FRMPD3: variants seen among roughly 807,000 people sequenced by gnomAD.
The protein encoded by FRMPD3 is FERM and PDZ domain-containing protein 3.
Under a neutral mutation model 97.9 loss-of-function variants are expected in FRMPD3, and 42 were observed. The ratio of observed to expected loss-of-function variants is 0.43; its 90% CI spans 0.34 to 0.55. FRMPD3 has a LOEUF of 0.55. FRMPD3 is among the 20% of genes least tolerant of loss of function. FRMPD3 has a pLI of 0.03. For missense variants in FRMPD3, 1,303 were observed against 1,457.7 expected (o/e 0.89, Z 1.73); for synonymous variants, 577 against 581.1 (o/e 0.99, Z 0.10).
intron 12 of FRMPD3, among the ~76,000 whole-genome samples, chrX:107,572,899 C>CTAA (rs1922949688): frequency 1.9e-5 from 2 of 102,913 alleles, no homozygotes; most frequent in Non-Finnish European, 3.9e-5. Flanking sequence ...ACTACTACTA[C>CTAA]TACTACTACT....
At chrX:107,498,278 A>C (rs139838738) in intron 1 of FRMPD3, among the ~76,000 whole-genome samples, 1,428 of 112,319 alleles carry the variant, frequency 0.013, 11 homozygotes, top group Non-Finnish European at 0.017. Flanking sequence ...GCCATGACAT[A>C]GGAGATGGTG....
At chrX:107,525,129 G>T (rs1023226543) in intron 1 of FRMPD3, among the ~76,000 whole-genome samples, 2 of 110,351 alleles carry the variant, frequency 1.8e-5, no homozygotes, top group African/African-American at 6.6e-5. Context: ...AAAGGGCTCT[G>T]CCTGGAACCA....
intron 1 of FRMPD3, among the ~76,000 whole-genome samples, chrX:107,509,089 C>G (rs986828773): frequency 1.8e-5 from 2 of 111,985 alleles, no homozygotes; most frequent in African/African-American, 3.3e-5. Context: ...CCGCTCCCCC[C>G]AGCTTGGCCT....
intron 13 of FRMPD3, among the ~76,000 whole-genome samples, chrX:107,580,729 G>A (rs1923345426): frequency 9.0e-6 from 1 of 111,580 alleles, no homozygotes; most frequent in Non-Finnish European, 1.9e-5. Flanking sequence ...CTCCTCCGGA[G>A]CACTTATTCC....
chrX:107,502,677 G>A (rs1244117107), intron 1 of FRMPD3, among the ~76,000 whole-genome samples: 1 of 111,998 alleles, frequency 8.9e-6, no homozygotes, highest in African/African-American at 3.2e-5. Context: ...AACAACGAAA[G>A]GATCCCCACC....
chrX:107,546,007 C>A (rs937521941), intron 5 of FRMPD3, among the ~76,000 whole-genome samples, 166 bp downstream of exon 5: 6 of 111,694 alleles, frequency 5.4e-5, no homozygotes, highest in Admixed American at 4.8e-4. Context: ...GGATACGTGA[C>A]ATCCAGAGAG....
chrX:107,556,281 T>C (rs1052414024), intron 8 of FRMPD3, among the ~76,000 whole-genome samples: 4 of 110,894 alleles, frequency 3.6e-5, no homozygotes, highest in African/African-American at 1.3e-4. Flanking sequence ...GTGGTTGCTC[T>C]GTGAATTTTG....
chrX:107,461,016 T>C (rs1931461495), intron 1 of FRMPD3, among the ~76,000 whole-genome samples: 1 of 111,658 alleles, frequency 9.0e-6, no homozygotes, highest in Non-Finnish European at 1.9e-5. Context: ...TGCCACACAG[T>C]TTAGTGTCCG....
intron 12 of FRMPD3, among the ~76,000 whole-genome samples, chrX:107,565,720 A>C (rs1432970703): frequency 9.0e-6 from 1 of 110,654 alleles, no homozygotes; most frequent in Non-Finnish European, 1.9e-5. Flanking sequence ...AATAAATAAA[A>C]AGTAATAATA....
At chrX:107,580,026 G>A (rs368249399) in intron 13 of FRMPD3, among the ~76,000 whole-genome samples, 7 of 112,032 alleles carry the variant, frequency 6.2e-5, no homozygotes, top group Non-Finnish European at 5.6e-5. Flanking sequence ...CCTCTAGGTC[G>A]TCATTATGAC....
At chrX:107,453,948 T>C (rs780950360) in intron 1 of FRMPD3, among the ~76,000 whole-genome samples, 31 of 111,776 alleles carry the variant, frequency 2.8e-4, no homozygotes, top group African/African-American at 1.0e-3. Flanking sequence ...AGGTGCTACT[T>C]GTGTATCTGT....
At chrX:107,584,224 C>A (rs745735624) in intron 13 of FRMPD3, among the ~76,000 whole-genome samples, 1 of 111,009 alleles carries the variant, frequency 9.0e-6, no homozygotes, top group Non-Finnish European at 1.9e-5. Flanking sequence ...TGTTCGTTGG[C>A]CGCGTAAATG....
At position 107,601,359 on chromosome X, in the gene FRMPD3, C is replaced by T. The variant is rs368612181; in HGVS notation, c.3320C>T (p.Ala1107Val). ...ACCATCTCCAGCCAAGGGGAGAAGG[C>T]GCAGCTGGAGAGCACACCCAAAAGA... is the stretch of plus-strand genomic sequence containing the variant. ...QGTISSQGEK[A>V]QLESTPKRSK... is the part of the protein sequence containing the mutation. The change falls in exon 15 of 15, where the codon GCG (alanine) becomes GTG (valine). Residue 1107 changes from alanine (A) to valine (V), a missense_variant. Coordinates refer to ENST00000683843, the MANE Select transcript of FRMPD3 (RefSeq NM_001388459.1). 1.2e-4 allele frequency: 145 copies of T among 1,205,449 alleles called. No individual in the cohort carries two copies. Among genetic ancestry groups the T allele is most frequent in the Admixed American group, 8.6e-4 (39 of 45,375 alleles).
At chrX:107,519,071 G>A (rs905718376) in intron 1 of FRMPD3, among the ~76,000 whole-genome samples, 1 of 112,123 alleles carries the variant, frequency 8.9e-6, no homozygotes, top group African/African-American at 3.2e-5. Flanking sequence ...GTTGGGAAGG[G>A]AGGGGTAATG....
intron 4 of FRMPD3, among the ~76,000 whole-genome samples, chrX:107,538,876 C>G (rs1292550959): frequency 1.8e-5 from 2 of 112,248 alleles, no homozygotes; most frequent in Admixed American, 1.9e-4. Flanking sequence ...CCAGGCTGGT[C>G]TCGAATCCCT....
intron 12 of FRMPD3, among the ~76,000 whole-genome samples, chrX:107,566,092 C>T (rs193095518): frequency 1.1e-4 from 12 of 112,720 alleles, no homozygotes; most frequent in Admixed American, 1.0e-3. Flanking sequence ...AAGCAGCTGT[C>T]GCCTGTGCAA....
At chrX:107,521,066 C>A (rs1245790046) in intron 1 of FRMPD3, among the ~76,000 whole-genome samples, 1 of 112,065 alleles carries the variant, frequency 8.9e-6, no homozygotes, top group Non-Finnish European at 1.9e-5. Flanking sequence ...TTAAACAGTG[C>A]CCAGTCTTTC....
At position 107,602,130 on chromosome X, in the gene FRMPD3, C is replaced by G. The variant is rs779914887; in HGVS notation, c.4091C>G (p.Ser1364Trp). Residue 1364 changes from serine to tryptophan, a missense_variant, in exon 15 of 15, where the codon TCG (serine) becomes TGG (tryptophan). By Grantham distance (177) the Ser-to-Trp change is radical. Transcript: ENST00000683843. Reference protein sequence around the residue: ...STSLESRECRSDPESGVSCLT... With the variant: ...STSLESRECRWDPESGVSCLT... Reference sequence around the variant, plus strand: ...AGCCTGGAGTCCCGAGAGTGCCGATCGGACCCTGAGAGTGGTGTTTCGTGC... The same window carrying G: ...AGCCTGGAGTCCCGAGAGTGCCGATGGGACCCTGAGAGTGGTGTTTCGTGC... The G allele has an allele frequency of 3.7e-5, 45 of 1,210,567 alleles. No individual in the cohort carries two copies. Among genetic ancestry groups the G allele is most frequent in the Non-Finnish European group, 4.9e-5 (44 of 895,215 alleles).
At chrX:107,457,914 C>A (rs376690716) in intron 1 of FRMPD3, among the ~76,000 whole-genome samples, 22 of 111,602 alleles carry the variant, frequency 2.0e-4, no homozygotes, top group Middle Eastern at 9.1e-3. Flanking sequence ...TACATTTATT[C>A]TCTCAAGTTA....
Sources: gnomAD v4.1 joint callset for allele counts (sites outside exome capture counted in the v4.1 genomes callset) on GRCh38, gnomAD v4.1.1 for gene constraint, MANE v1.5 for transcripts, NCBI Gene and HGNC (gene_info 2026-07-23, HGNC 2026-07-21) for gene names.